Variants in PEX3 observed in about 807,000 individuals in gnomAD.
PEX3 encodes the protein peroxisomal biogenesis factor 3, also known as peroxin-3.
Under a neutral mutation model 55.8 loss-of-function variants are expected in PEX3, and 30 were observed. The ratio of observed to expected loss-of-function variants is 0.54; its 90% CI spans 0.40 to 0.73. PEX3 has a LOEUF of 0.73. Among genes scored for constraint, PEX3 ranks in the 30% least tolerant of loss-of-function variants. PEX3 has a pLI of 0.00. For missense variants in PEX3, 351 were observed against 432.8 expected (o/e 0.81, Z 1.68); for synonymous variants, 135 against 148.4 (o/e 0.91, Z 0.66).
chr6:143,467,504 A>G (rs1488764894), intron 3 of PEX3, among the ~76,000 whole-genome samples: 2 of 152,160 alleles, frequency 1.3e-5, no homozygotes, highest in African/African-American at 4.8e-5. Context: ...ATGAGAAAAC[A>G]GGACCCAGTG....
rs1326460710 is a variant in PEX3, at chr6:143,488,081, G to A, written c.1039-1062G>A. ...CATTGATCTAAACCTATGTTTCATTGAACACCTAGACTGAATACTTGAAAC... is the reference window on the plus strand; with the variant it reads ...CATTGATCTAAACCTATGTTTCATTAAACACCTAGACTGAATACTTGAAAC... On this transcript the variant is annotated intron_variant, in intron 11 of 11. Transcript: ENST00000367591. The surrounding 1 kb of genome is among the most constrained non-coding windows in gnomAD (Gnocchi z 4.9). 6.6e-6 allele frequency among the ~76,000 whole-genome samples: 1 copy of A among 151,994 alleles called. No homozygotes were observed. Among genetic ancestry groups the A allele is most frequent in the Non-Finnish European group, 1.5e-5 (1 of 67,964 alleles).
chr6:143,463,060 A>G lies in PEX3; in HGVS notation c.287+63A>G. ...CACTTAAAGTTTATAGAATGAACTG[A>G]TAGACTTTTCAAAAATCTTTGTTAT... On this transcript the variant is annotated intron_variant, in intron 3 of 11. Coordinates refer to ENST00000367591, the MANE Select transcript of PEX3 (RefSeq NM_003630.3). This position sits in a 1 kb window ranked among gnomAD's most constrained non-coding sequence, Gnocchi z 5.7. The G allele has an allele frequency of 2.5e-6, 3 of 1,195,292 alleles. No individual in the cohort carries two copies. Among genetic ancestry groups the G allele is most frequent in the Non-Finnish European group, 3.7e-6 (3 of 805,200 alleles). 74.0% of individuals were successfully genotyped at this position (1,195,292 alleles called of 1,614,324 possible). A position where few individuals can be genotyped will look rare whatever the true frequency, so the allele number is the denominator to read the frequency against.
chr6:143,473,808 T>C (rs181941658), intron 8 of PEX3, among the ~76,000 whole-genome samples: 37 of 151,662 alleles, frequency 2.4e-4, no homozygotes, highest in Admixed American at 1.9e-3. Flanking sequence ...GCAGTTCGAG[T>C]CCGTGGTGTG....
At chr6:143,469,538 G>T (rs2128746512) in intron 4 of PEX3, among the ~76,000 whole-genome samples, 1 of 152,256 alleles carries the variant, frequency 6.6e-6, no homozygotes, top group Admixed American at 6.5e-5. Flanking sequence ...ATTTTTTCTT[G>T]TAAATTTGTT....
intron 3 of PEX3, among the ~76,000 whole-genome samples, chr6:143,467,689 G>A (rs1584008131): frequency 6.6e-6 from 1 of 152,124 alleles, no homozygotes; most frequent in African/African-American, 2.4e-5. Context: ...TTTGAACATC[G>A]ATAGAGATAA....
rs1779774599 is a variant in PEX3, at chr6:143,451,921, A to G, written c.73+806A>G. ...AATTATATGAAAAGGACATCTAGGA[A>G]CTATAAAAGAGGAAATTTGTTAGAA... On this transcript the variant is annotated intron_variant, in intron 1 of 11. Transcript: ENST00000367591. This position sits in a 1 kb window ranked among gnomAD's most constrained non-coding sequence, Gnocchi z 4.1. Among the ~76,000 whole-genome samples, 1 of 152,240 alleles carries G rather than the reference A, an allele frequency of 6.6e-6. No homozygotes were observed. The highest frequency in any genetic ancestry group is 2.4e-5 in the African/African-American group (1 of 41,464).
chr6:143,474,814 C>T lies in PEX3; in HGVS notation c.776C>T (p.Thr259Ile), dbSNP rs1459880972. 6.3e-7 allele frequency: 1 copy of T among 1,595,448 alleles called. No individual in the cohort carries two copies. The highest frequency in any genetic ancestry group is 1.3e-5 in the African/African-American group (1 of 74,660). Reference sequence around the variant, plus strand: ...TGTGGACTTTCTCCTCGAGACATTACCACTATTAAACTTCTCAATGAAACT... The same window carrying T: ...TGTGGACTTTCTCCTCGAGACATTATCACTATTAAACTTCTCAATGAAACT... ...QACGLSPRDI[T>I]TIKLLNETRD... Residue 259 changes from threonine to isoleucine, a missense_variant, in exon 9 of 12, where the codon ACC (threonine) becomes ATC (isoleucine). By Grantham distance (89) the Thr-to-Ile change is moderately conservative (BLOSUM62 -1). Transcript: ENST00000367591.
At position 143,485,495 on chromosome 6, in the gene PEX3, GTA is replaced by G. The variant is rs1780306126; in HGVS notation, c.1038+249_1038+250del. Among the ~76,000 whole-genome samples, 4 of 152,032 alleles carry G rather than the reference GTA, an allele frequency of 2.6e-5. No individual in the cohort carries two copies. The highest frequency in any genetic ancestry group is 2.6e-4 in the Admixed American group (4 of 15,232). ...TGTGGGACTACATTTTAGTCCAGGT[GTA>G]TTATAGTGGTCAGTTGAATTTATAT... On this transcript the variant is annotated intron_variant, in intron 11 of 11. Coordinates refer to ENST00000367591, the MANE Select transcript of PEX3 (RefSeq NM_003630.3). The surrounding 1 kb of genome is among the most constrained non-coding windows in gnomAD (Gnocchi z 5.6).
At chr6:143,457,580 A>G (rs1374836745) in intron 1 of PEX3, among the ~76,000 whole-genome samples, 2 of 152,206 alleles carry the variant, frequency 1.3e-5, no homozygotes, top group Non-Finnish European at 2.9e-5. Context: ...TGACAGACCA[A>G]ATCTAATTAC....
chr6:143,490,583 A>G lies in PEX3; in HGVS notation c.*1357A>G. 1 of 825,676 alleles carries G rather than the reference A, an allele frequency of 1.2e-6. No homozygotes were observed. Among genetic ancestry groups the G allele is most frequent in the Non-Finnish European group, 1.8e-6 (1 of 567,976 alleles). 51.1% of individuals were successfully genotyped at this position (825,676 alleles called of 1,614,324 possible). On this transcript the variant is annotated 3_prime_UTR_variant, in exon 12 of 12. Transcript: ENST00000367591. This position sits in a 1 kb window ranked among gnomAD's most constrained non-coding sequence, Gnocchi z 6.0. ...AGCATGTCTTCACCAAGGGATATGG[A>G]TTTGGCTTAATAAAACCTGATTTGA...
At position 143,471,200 on chromosome 6, in the gene PEX3, T is replaced by C. The variant is rs1780068462; in HGVS notation, c.456+115T>C. 1.4e-5 allele frequency: 15 copies of C among 1,092,782 alleles called. 1 individual carries two copies. In the South Asian group the frequency reaches 2.1e-4, roughly 15 times the overall value. 67.7% of individuals were successfully genotyped at this position (1,092,782 alleles called of 1,614,324 possible). ...TAAATATTTTTATATTTCATGTGAT[T>C]GTGAACTTTTAGTATTATGAATAAT... On this transcript the variant is annotated intron_variant, in intron 5 of 11. Transcript: ENST00000367591. This position sits in a 1 kb window ranked among gnomAD's most constrained non-coding sequence, Gnocchi z 5.4.
rs1303681767 is a variant in PEX3 at position 143,479,034 on chromosome 6, T to A, written c.819-42T>A. 1 of 1,309,892 alleles carries A rather than the reference T, an allele frequency of 7.6e-7. No individual in the cohort carries two copies. The highest frequency in any genetic ancestry group is 1.1e-6 in the Non-Finnish European group (1 of 904,948). The allele number at this position is 1,309,892 out of a possible 1,614,324, so 81.1% of individuals were successfully genotyped here. On this transcript the variant is annotated intron_variant, in intron 9 of 11. Coordinates refer to ENST00000367591, the MANE Select transcript of PEX3 (RefSeq NM_003630.3). This position sits in a 1 kb window ranked among gnomAD's most constrained non-coding sequence, Gnocchi z 4.6. ...ATTACTGAATTTGTTTTCTCTTCCA[T>A]TCAGAGTCTAAAAAGTAACTTATAC...
At chr6:143,478,463 G>A (rs1780182856) in intron 9 of PEX3, among the ~76,000 whole-genome samples, 3 of 151,908 alleles carry the variant, frequency 2.0e-5, no homozygotes, top group Admixed American at 2.0e-4. Flanking sequence ...AGAAAAGGTA[G>A]GTAGATAGAA....
intron 10 of PEX3, among the ~76,000 whole-genome samples, chr6:143,484,443 C>G (rs1214909351): frequency 6.6e-6 from 1 of 151,962 alleles, no homozygotes; most frequent in African/African-American, 2.4e-5. Flanking sequence ...TTTAGAATAT[C>G]TGATTGGGTA....
At position 143,487,335 on chromosome 6, in the gene PEX3, A is replaced by T. The variant is rs138598908; in HGVS notation, c.1039-1808A>T. ...TATGAGCCAAATCCAGCCAAGCACC[A>T]GCTTTTGTAAGTTTTATTGGGTGAC... On this transcript the variant is annotated intron_variant, in intron 11 of 11. Transcript: ENST00000367591. The surrounding 1 kb of genome is among the most constrained non-coding windows in gnomAD (Gnocchi z 5.3). Among the ~76,000 whole-genome samples, 182 of 152,276 alleles carry T rather than the reference A, an allele frequency of 1.2e-3. 1 individual carries two copies. Among genetic ancestry groups the T allele is most frequent in the African/African-American group, 4.0e-3 (165 of 41,572 alleles).
chr6:143,468,954 C>T (rs1244344852), intron 4 of PEX3, among the ~76,000 whole-genome samples: 1 of 151,884 alleles, frequency 6.6e-6, no homozygotes, highest in Non-Finnish European at 1.5e-5. Flanking sequence ...ATAGTTTGCT[C>T]AGAATGATGG....
At chr6:143,480,885 G>C (rs1266312679) in intron 10 of PEX3, among the ~76,000 whole-genome samples, 1 of 152,036 alleles carries the variant, frequency 6.6e-6, no homozygotes, top group African/African-American at 2.4e-5. Flanking sequence ...TGCGGCACAT[G>C]CCTGTAGTCC....
At chr6:143,469,954 T>G (rs1357381529) in intron 4 of PEX3, among the ~76,000 whole-genome samples, 2 of 152,126 alleles carry the variant, frequency 1.3e-5, no homozygotes, top group African/African-American at 4.8e-5. Context: ...TACTTCCTTT[T>G]CTGGGGGGTG....
rs1479685409 is a variant in PEX3, at chr6:143,479,483, CTT to C, written c.941+287_941+288del. Among the ~76,000 whole-genome samples, 1 of 151,680 alleles carries C rather than the reference CTT, an allele frequency of 6.6e-6. No homozygotes were observed. Among genetic ancestry groups the C allele is most frequent in the East Asian group, 1.9e-4 (1 of 5,192 alleles). On this transcript the variant is annotated intron_variant, in intron 10 of 11. Transcript: ENST00000367591. The surrounding 1 kb of genome is among the most constrained non-coding windows in gnomAD (Gnocchi z 4.6). ...TTCCAATTATTGTTTTTTTTTAACT[CTT>C]TAGAATACAAAACTCACAATATGTT...
Sources: allele counts gnomAD v4.1 joint callset (sites outside exome capture counted in the v4.1 genomes callset), GRCh38; gene constraint gnomAD v4.1.1; non-coding constraint Gnocchi (gnomAD v3.1); transcripts MANE v1.5; gene names NCBI Gene and HGNC (gene_info 2026-07-23, HGNC 2026-07-21).